SH3KBP1: variants seen among roughly 807,000 people sequenced by gnomAD.
The protein encoded by SH3KBP1 is SH3 domain-containing kinase-binding protein 1.
In SH3KBP1, 8 loss-of-function variants were observed where a neutral mutation model predicts 50.1. The ratio of observed to expected loss-of-function variants is 0.16; its 90% CI spans 0.09 to 0.29. The LOEUF is 0.29. SH3KBP1 is among the 10% of genes least tolerant of loss of function. SH3KBP1 has a pLI of 1.00. For synonymous variants in SH3KBP1, 227 were observed against 218.6 expected, an observed-to-expected ratio of 1.04 and a Z score of -0.34; for missense variants, 377 against 535.2, an observed-to-expected ratio of 0.70 and a Z score of 2.92.
intron 5 of SH3KBP1, 136 bp downstream of exon 5, chrX:19,695,476 A>T: frequency 1.4e-6 from 1 of 731,892 alleles, no homozygotes; most frequent in South Asian, 2.5e-5. Context: ...ACAGTGGGTT[A>T]AGGCAGTATA....
chrX:19,603,374 C>A (rs199771691), intron 9 of SH3KBP1, among the ~76,000 whole-genome samples: 2 of 112,429 alleles, frequency 1.8e-5, no homozygotes, highest in African/African-American at 3.2e-5. Context: ...CAGACCTCTG[C>A]GTTCCAGACT....
chrX:19,567,518 CAAAAAAAAAAAAAAAAAA>C (rs869158450), intron 13 of SH3KBP1, among the ~76,000 whole-genome samples: 7 of 7,270 alleles, frequency 9.6e-4, no homozygotes, highest in East Asian at 7.0e-3. Context: ...GACTCCATCT[CAAAAAAAAAAAAAAAAAA>C]AAAAAAAAAA....
intron 8 of SH3KBP1, among the ~76,000 whole-genome samples, chrX:19,628,380 A>G (rs770367345): frequency 2.7e-5 from 3 of 111,248 alleles, no homozygotes; most frequent in Non-Finnish European, 3.8e-5. Flanking sequence ...AAATCCTCGC[A>G]GCAGCCCTGT....
intron 8 of SH3KBP1, among the ~76,000 whole-genome samples, chrX:19,612,916 G>A (rs2067475442): frequency 8.9e-6 from 1 of 112,305 alleles, no homozygotes; most frequent in African/African-American, 3.2e-5. Flanking sequence ...CTTGCTGAGC[G>A]TAAAGGAAGA....
At chrX:19,878,505 T>TGTGTGTGTGTGAGAGAGA (rs1491094714) in intron 1 of SH3KBP1, among the ~76,000 whole-genome samples, 12 of 48,253 alleles carry the variant, frequency 2.5e-4, no homozygotes, top group African/African-American at 6.6e-4. Context: ...TGTGTGTGTG[T>TGTGTGTGTGTGAGAGAGA]GAGAGAGAGA....
At chrX:19,841,429 G>A (rs764390701) in intron 1 of SH3KBP1, among the ~76,000 whole-genome samples, 1 of 112,387 alleles carries the variant, frequency 8.9e-6, no homozygotes, top group African/African-American at 3.2e-5. Flanking sequence ...AATTTCCTCC[G>A]CTGTATACAC....
At chrX:19,681,904 A>G (rs2063063854) in intron 6 of SH3KBP1, among the ~76,000 whole-genome samples, 1 of 106,843 alleles carries the variant, frequency 9.4e-6, no homozygotes, top group Non-Finnish European at 1.9e-5. Flanking sequence ...TTAAGACTAA[A>G]CTCCAGGGGG....
chrX:19,564,910 C>A (rs2065792184), intron 13 of SH3KBP1, among the ~76,000 whole-genome samples: 1 of 109,627 alleles, frequency 9.1e-6, no homozygotes, highest in Non-Finnish European at 1.9e-5. Flanking sequence ...AGTAGCATCT[C>A]CACCCCCACC....
chrX:19,689,297 AC>A (rs2148614536), intron 5 of SH3KBP1, among the ~76,000 whole-genome samples: 1 of 112,274 alleles, frequency 8.9e-6, no homozygotes, highest in Non-Finnish European at 1.9e-5. Flanking sequence ...TCATTAAGTC[AC>A]CATTACTCCT....
At position 19,741,601 on chromosome X, in the gene SH3KBP1, T is replaced by C. The variant is rs1257370840; in HGVS notation, c.286+4717A>G. ...TAAACTGGAAATAGAAACAAGGACATATAAAGCCAACCAGAAACCCACGGA... is the reference window on the plus strand; with the variant it reads ...TAAACTGGAAATAGAAACAAGGACACATAAAGCCAACCAGAAACCCACGGA... On this transcript the variant is annotated intron_variant, in intron 3 of 17. Coordinates refer to ENST00000397821, the MANE Select transcript of SH3KBP1 (RefSeq NM_031892.3). Among the ~76,000 whole-genome samples the C allele has an allele frequency of 3.6e-5, 4 of 111,819 alleles. No individual in the cohort carries two copies. The East Asian group carries it at 1.1e-3, about 31-fold the overall frequency.
chrX:19,681,447 C>T (rs1169347072), intron 6 of SH3KBP1, among the ~76,000 whole-genome samples: 1 of 112,701 alleles, frequency 8.9e-6, no homozygotes, highest in Admixed American at 9.4e-5. Context: ...ATTTATTGAG[C>T]ACCTACAATG....
At chrX:19,541,665 G>A (rs1300741091) in intron 16 of SH3KBP1, among the ~76,000 whole-genome samples, 1 of 112,509 alleles carries the variant, frequency 8.9e-6, no homozygotes, top group Non-Finnish European at 1.9e-5. Context: ...ATCAGTCCCT[G>A]CAATGGACTC....
chrX:19,747,629 G>A lies in SH3KBP1; in HGVS notation c.163-1188C>T, dbSNP rs189298221. Reference sequence around the variant, plus strand: ...GTTTGTCAAAACAATGCCACTCCCCGCAGCTTCCTGCACACTCAAGAGTGT... The same window carrying A: ...GTTTGTCAAAACAATGCCACTCCCCACAGCTTCCTGCACACTCAAGAGTGT... On this transcript the variant is annotated intron_variant, in intron 2 of 17. Transcript: ENST00000397821. 370 of 340,258 alleles carry A rather than the reference G, an allele frequency of 1.1e-3. 1 individual carries two copies. The highest frequency in any genetic ancestry group is 8.8e-3 in the African/African-American group (334 of 37,782). The allele number at this position is 340,258 out of a possible 1,213,427, so 28.0% of individuals were successfully genotyped here.
intron 3 of SH3KBP1, among the ~76,000 whole-genome samples, chrX:19,739,014 GAAAAAAA>G (rs1167676836): frequency 1.8e-4 from 4 of 22,459 alleles, no homozygotes; most frequent in African/African-American, 2.9e-4. Flanking sequence ...CTGCCTCCAA[GAAAAAAA>G]AAAAAAAAAA....
intron 3 of SH3KBP1, among the ~76,000 whole-genome samples, chrX:19,731,437 C>G (rs1168083692): frequency 9.0e-6 from 1 of 111,688 alleles, no homozygotes; most frequent in Non-Finnish European, 1.9e-5. Flanking sequence ...CACCTTCAAT[C>G]TCATTACTCA....
chrX:19,553,832 C>T (rs1270458914), intron 13 of SH3KBP1, among the ~76,000 whole-genome samples: 3 of 87,520 alleles, frequency 3.4e-5, no homozygotes, highest in African/African-American at 1.3e-4. Context: ...CTCTTAACCT[C>T]TTAATGCATA....
chrX:19,723,008 G>A (rs1283976306), intron 3 of SH3KBP1, among the ~76,000 whole-genome samples: 2 of 108,731 alleles, frequency 1.8e-5, no homozygotes, highest in South Asian at 4.0e-4. Flanking sequence ...TTAGCCAGGC[G>A]TAGTGACACA....
chrX:19,576,562 C>T (rs1450619799), intron 12 of SH3KBP1, among the ~76,000 whole-genome samples: 3 of 111,541 alleles, frequency 2.7e-5, no homozygotes, highest in African/African-American at 9.8e-5. Context: ...GCCTCAGTCT[C>T]CTGTGTAGCT....
At chrX:19,877,965 C>G (rs932653528) in intron 1 of SH3KBP1, among the ~76,000 whole-genome samples, 2 of 111,950 alleles carry the variant, frequency 1.8e-5, no homozygotes, top group African/African-American at 3.3e-5. Flanking sequence ...TTCTTGCCAA[C>G]TGGATAGTAT....
Sources: allele counts gnomAD v4.1 joint callset (sites outside exome capture counted in the v4.1 genomes callset), GRCh38; gene constraint gnomAD v4.1.1; transcripts MANE v1.5; gene names NCBI Gene and HGNC (gene_info 2026-07-23, HGNC 2026-07-21).